The following FUT8 variants were observed in gnomAD, a reference collection of about 807,000 sequenced individuals.
The protein encoded by FUT8 is alpha-(1,6)-fucosyltransferase.
FUT8 carries 29 observed loss-of-function variants against 71.3 expected under a neutral mutation model. The ratio of observed to expected loss-of-function variants is 0.41; its 90% CI spans 0.30 to 0.55. FUT8 has a LOEUF of 0.55. FUT8 is among the 20% of genes least tolerant of loss of function. FUT8 has a pLI of 0.34. For synonymous variants in FUT8, 254 were observed against 239.3 expected, an observed-to-expected ratio of 1.06 and a Z score of -0.57; for missense variants, 544 against 702.1, an observed-to-expected ratio of 0.77 and a Z score of 2.55.
intron 7 of FUT8, among the ~76,000 whole-genome samples, chr14:65,677,133 T>C (rs1408777923): frequency 9.4e-6 from 1 of 106,402 alleles, no homozygotes; most frequent in Non-Finnish European, 2.1e-5. Context: ...TGTGTGTGTG[T>C]GTGTGTGTGT....
chr14:65,653,649 T>C (rs924511900), intron 6 of FUT8, among the ~76,000 whole-genome samples: 1 of 152,160 alleles, frequency 6.6e-6, no homozygotes, highest in Non-Finnish European at 1.5e-5. Flanking sequence ...AGAGGAACAA[T>C]TTGAATGACT....
intron 5 of FUT8, among the ~76,000 whole-genome samples, chr14:65,626,317 A>T (rs1375495038): frequency 6.6e-6 from 1 of 152,158 alleles, no homozygotes; most frequent in African/African-American, 2.4e-5. Flanking sequence ...TGTCTCAGAG[A>T]TGTCAAAATA....
intron 7 of FUT8, among the ~76,000 whole-genome samples, chr14:65,703,873 A>G (rs1005303090): frequency 1.3e-5 from 2 of 152,224 alleles, no homozygotes; most frequent in African/African-American, 4.8e-5. Flanking sequence ...TGCAATACTA[A>G]ATTAAGCTAT....
chr14:65,466,995 A>G (rs983968413), intron 2 of FUT8, among the ~76,000 whole-genome samples: 1 of 152,178 alleles, frequency 6.6e-6, no homozygotes, highest in Non-Finnish European at 1.5e-5. Flanking sequence ...ATTTTGAACA[A>G]GTTGTTATCT....
At chr14:65,739,857 T>C (rs1248485569) in intron 10 of FUT8, among the ~76,000 whole-genome samples, 1 of 152,048 alleles carries the variant, frequency 6.6e-6, no homozygotes, top group Non-Finnish European at 1.5e-5. Flanking sequence ...AACTTCCCTT[T>C]GACATTTGTA....
At chr14:65,376,104 T>A in the FUT8 span, among the ~76,000 whole-genome samples, 1,413 of 149,856 alleles carry the variant, frequency 9.4e-3, 18 homozygotes, top group African/African-American at 0.033. Context: ...AAAAAAAAAA[T>A]AATAAAATAA....
intron 7 of FUT8, among the ~76,000 whole-genome samples, chr14:65,700,539 C>T (rs973597884): frequency 9.2e-5 from 14 of 151,682 alleles, no homozygotes; most frequent in African/African-American, 2.4e-4. Flanking sequence ...TACAGGCACC[C>T]GCCACCACAC....
intron 3 of FUT8, among the ~76,000 whole-genome samples, chr14:65,601,002 T>C (rs1888262726): frequency 2.0e-5 from 3 of 152,152 alleles, no homozygotes; most frequent in Non-Finnish European, 1.5e-5. Context: ...CCTTGGAGAA[T>C]TGAGCCAGAA....
chr14:65,508,011 T>C (rs1238137302), intron 2 of FUT8, among the ~76,000 whole-genome samples: 1 of 152,104 alleles, frequency 6.6e-6, no homozygotes, highest in Non-Finnish European at 1.5e-5. Flanking sequence ...TGGAGTAAGA[T>C]GATATCTCAT....
intron 2 of FUT8, among the ~76,000 whole-genome samples, chr14:65,469,421 G>A (rs958668330): frequency 2.0e-5 from 3 of 152,172 alleles, no homozygotes; most frequent in Non-Finnish European, 4.4e-5. Context: ...TGTGTTTAGT[G>A]TTTGTTCTGG....
chr14:65,557,426 AG>A (rs1378957706), intron 2 of FUT8, among the ~76,000 whole-genome samples: 1 of 150,170 alleles, frequency 6.7e-6, no homozygotes, highest in Non-Finnish European at 1.5e-5. Context: ...TCCACCTTCC[AG>A]GTTCAAGGAA....
intron 5 of FUT8, among the ~76,000 whole-genome samples, chr14:65,626,106 CGT>C (rs1481908706): frequency 2.0e-5 from 3 of 151,940 alleles, no homozygotes; most frequent in African/African-American, 7.3e-5. Context: ...ATCAATACCA[CGT>C]GTTACTGTTA....
At chr14:65,417,718 A>G (rs970851472) in intron 1 of FUT8, among the ~76,000 whole-genome samples, 1 of 152,200 alleles carries the variant, frequency 6.6e-6, no homozygotes, top group African/African-American at 2.4e-5. Flanking sequence ...TTAATTAACA[A>G]ATTATACCAA....
chr14:65,482,771 C>T (rs1409188744), intron 2 of FUT8, among the ~76,000 whole-genome samples: 2 of 152,100 alleles, frequency 1.3e-5, no homozygotes, highest in East Asian at 3.9e-4. Flanking sequence ...TAGATCAGGC[C>T]CTTTAAATAT....
chr14:65,402,590 C>G, the FUT8 span, among the ~76,000 whole-genome samples: 2 of 152,072 alleles, frequency 1.3e-5, no homozygotes, highest in African/African-American at 4.8e-5. Flanking sequence ...ATGGCATGAA[C>G]TAGGGAGGCG....
chr14:65,596,510 A>G (rs11850201), intron 3 of FUT8, among the ~76,000 whole-genome samples: 44 of 152,152 alleles, frequency 2.9e-4, no homozygotes, highest in African/African-American at 9.7e-4. Flanking sequence ...ATGATCAGCT[A>G]TTTTAATGTT....
At chr14:65,360,454 C>G in the FUT8 span, among the ~76,000 whole-genome samples, 1 of 152,198 alleles carries the variant, frequency 6.6e-6, no homozygotes, top group Non-Finnish European at 1.5e-5. Context: ...TTTAAATCAA[C>G]CTAAAGCATT....
chr14:65,434,945 A>G (rs1595371309), intron 1 of FUT8, among the ~76,000 whole-genome samples: 1 of 152,286 alleles, frequency 6.6e-6, no homozygotes, highest in East Asian at 1.9e-4. Context: ...CTCATAATCA[A>G]GACACAGAAC....
chr14:65,727,522 G>T (rs982085174), intron 9 of FUT8, among the ~76,000 whole-genome samples: 1 of 152,164 alleles, frequency 6.6e-6, no homozygotes, highest in African/African-American at 2.4e-5. Context: ...GACGGAAGCA[G>T]CTGGGATGCA....
Sources: allele counts gnomAD v4.1 joint callset (sites outside exome capture counted in the v4.1 genomes callset), GRCh38; gene constraint gnomAD v4.1.1; transcripts MANE v1.5; gene names NCBI Gene and HGNC (gene_info 2026-07-23, HGNC 2026-07-21).